Variants in ITGAV observed in about 807,000 individuals in gnomAD.
ITGAV encodes the protein integrin subunit alpha V.
ITGAV carries 76 observed loss-of-function variants against 143.8 expected under a neutral mutation model. The ratio of observed to expected loss-of-function variants is 0.53; its 90% CI spans 0.44 to 0.64. The LOEUF (loss-of-function observed/expected upper bound fraction) is 0.64, where lower values mean the gene tolerates loss of function less well. ITGAV is among the 30% of genes least tolerant of loss of function. The probability of loss-of-function intolerance (pLI) is 0.00; values close to 1 mark genes in which losing one functional copy is unlikely to be tolerated. For missense variants in ITGAV, 1,193 were observed against 1,274.7 expected (o/e 0.94, Z 0.98); for synonymous variants, 453 against 446.7 (o/e 1.01, Z -0.18).
chr2:186,590,594 T>C (rs1686590265), intron 1 of ITGAV, 71 bp downstream of exon 1: 3 of 1,383,976 alleles, frequency 2.2e-6, no homozygotes, highest in South Asian at 2.7e-5. Context: ...CGTTTCTCCA[T>C]TGGGATTGAT....
intron 2 of ITGAV, among the ~76,000 whole-genome samples, chr2:186,603,363 C>T (rs1686966819): frequency 6.6e-6 from 1 of 152,140 alleles, no homozygotes; most frequent in African/African-American, 2.4e-5. Flanking sequence ...ATGATGTGGA[C>T]TGTTCCATTT....
At chr2:186,644,826 A>AT (rs1688208961) in intron 12 of ITGAV, among the ~76,000 whole-genome samples, 1 of 151,940 alleles carries the variant, frequency 6.6e-6, no homozygotes, top group Non-Finnish European at 1.5e-5. Flanking sequence ...TGTTTAAAAA[A>AT]AAAAAAGTAC....
At chr2:186,622,792 T>C (rs1338981705) in intron 3 of ITGAV, among the ~76,000 whole-genome samples, 1 of 152,088 alleles carries the variant, frequency 6.6e-6, no homozygotes, top group African/African-American at 2.4e-5. Context: ...AGACGGAGTC[T>C]TGCTCTGTCA....
intron 26 of ITGAV, chr2:186,670,036 C>T: frequency 2.1e-6 from 1 of 476,828 alleles, no homozygotes; most frequent in African/African-American, 2.0e-5. Flanking sequence ...TAGTTTATGT[C>T]CCAACTTTGA....
rs201039453 is a variant in ITGAV, at chr2:186,677,571, G to T, written c.*279G>T. 3 of 240,548 alleles carry T rather than the reference G, an allele frequency of 1.2e-5. No individual in the cohort carries two copies. The highest frequency in any genetic ancestry group is 2.3e-5 in the African/African-American group (1 of 44,116). 14.9% of individuals were successfully genotyped at this position (240,548 alleles called of 1,614,324 possible). ...AATGTATATAAGACAGGTAGTGCCT[G>T]ATTTACTACTTTATATAAAATAGTA... On this transcript the variant is annotated 3_prime_UTR_variant, in exon 30 of 30. Transcript: ENST00000261023.
At chr2:186,643,626 T>C (rs1302127686) in intron 12 of ITGAV, among the ~76,000 whole-genome samples, 2 of 152,144 alleles carry the variant, frequency 1.3e-5, no homozygotes, top group Non-Finnish European at 2.9e-5. Flanking sequence ...AGAGGGATAT[T>C]GAAAACAAAA....
intron 23 of ITGAV, 30 bp from the exon 24 acceptor site, chr2:186,667,641 C>A: frequency 8.1e-7 from 1 of 1,238,306 alleles, no homozygotes; most frequent in South Asian, 1.3e-5. Context: ...TTTTGATATT[C>A]ATGGTAGGTT....
At chr2:186,605,565 A>G (rs984231422) in intron 2 of ITGAV, among the ~76,000 whole-genome samples, 1 of 151,976 alleles carries the variant, frequency 6.6e-6, no homozygotes, top group Admixed American at 6.6e-5. Context: ...CTCAATTAGA[A>G]TGTAAGTTCC....
intron 2 of ITGAV, among the ~76,000 whole-genome samples, chr2:186,604,446 T>C (rs1309896536): frequency 6.6e-6 from 1 of 152,236 alleles, no homozygotes; most frequent in African/African-American, 2.4e-5. Context: ...TCTTTTATTA[T>C]GAACACTGCT....
intron 2 of ITGAV, among the ~76,000 whole-genome samples, chr2:186,610,800 T>C (rs1687194973): frequency 1.3e-5 from 2 of 152,198 alleles, no homozygotes; most frequent in South Asian, 4.1e-4. Flanking sequence ...TAATGATCTA[T>C]GTATTTTCAG....
At chr2:186,662,401 A>G (rs756933164) in intron 18 of ITGAV, among the ~76,000 whole-genome samples, 1 of 152,124 alleles carries the variant, frequency 6.6e-6, no homozygotes, top group African/African-American at 2.4e-5. Context: ...TCTTTGTCCA[A>G]TATATAGCCA....
intron 2 of ITGAV, among the ~76,000 whole-genome samples, chr2:186,606,663 A>C (rs1258226479): frequency 6.6e-6 from 1 of 152,132 alleles, no homozygotes; most frequent in African/African-American, 2.4e-5. Context: ...AACTAATCAA[A>C]AACTGTTTTC....
chr2:186,648,142 A>G lies in ITGAV; in HGVS notation c.1351+1265A>G, dbSNP rs576500505. 5.0e-3 allele frequency among the ~76,000 whole-genome samples: 765 copies of G among 152,302 alleles called. 1 individual carries two copies. Among genetic ancestry groups the G allele is most frequent in the Middle Eastern group, 0.017 (5 of 294 alleles). ...TCCCTTTGTAACAAATAGCTGCATC[A>G]TATCTTATTTACCTTTTTTTGTGGC... On this transcript the variant is annotated intron_variant, in intron 13 of 29. Coordinates refer to ENST00000261023, the MANE Select transcript of ITGAV (RefSeq NM_002210.5).
chr2:186,631,420 C>G (rs1687811524), intron 5 of ITGAV, among the ~76,000 whole-genome samples: 1 of 152,080 alleles, frequency 6.6e-6, no homozygotes, highest in African/African-American at 2.4e-5. Flanking sequence ...TATTTTTAAT[C>G]TATTTTTTGA....
intron 2 of ITGAV, among the ~76,000 whole-genome samples, chr2:186,609,420 AG>A (rs1466280176): frequency 2.0e-5 from 3 of 152,186 alleles, no homozygotes; most frequent in Non-Finnish European, 4.4e-5. Context: ...TAGCTTTTAA[AG>A]AAGACAGATG....
At chr2:186,600,287 C>T in intron 1 of ITGAV, 2 of 1,518,178 alleles carry the variant, frequency 1.3e-6, no homozygotes, top group South Asian at 1.2e-5. Flanking sequence ...CTCTTCATTC[C>T]ACTTCCCTCA....
chr2:186,668,851 C>T lies in ITGAV; in HGVS notation c.2523C>T (p.Ile841=). 1 of 1,612,658 alleles carries T rather than the reference C, an allele frequency of 6.2e-7. No homozygotes were observed. The highest frequency in any genetic ancestry group is 2.2e-5 in the East Asian group (1 of 44,822). ...YKYNNNTLLY[I]LHYDIDGPMN... is the part of the protein sequence containing the mutation. ...ATAATAATAACACTCTGTTGTATAT[C>T]CTTCATTATGATATTGATGGACCAA... is the stretch of plus-strand genomic sequence containing the variant. Residue 841 remains isoleucine (I), a synonymous_variant, in exon 25 of 30, where the codon ATC becomes ATT. Coordinates refer to ENST00000261023, the MANE Select transcript of ITGAV (RefSeq NM_002210.5).
At chr2:186,609,081 T>A (rs1687144305) in intron 2 of ITGAV, among the ~76,000 whole-genome samples, 1 of 152,192 alleles carries the variant, frequency 6.6e-6, no homozygotes, top group African/African-American at 2.4e-5. Context: ...AAAGCCTGTC[T>A]TATCTTACAC....
At chr2:186,659,458 G>A (rs895299457) in intron 18 of ITGAV, among the ~76,000 whole-genome samples, 18 of 151,818 alleles carry the variant, frequency 1.2e-4, no homozygotes, top group African/African-American at 4.4e-4. Flanking sequence ...ACAGCAAAGT[G>A]CCAGTTTGTT....
Sources: gnomAD v4.1 joint callset for allele counts (sites outside exome capture counted in the v4.1 genomes callset) on GRCh38, gnomAD v4.1.1 for gene constraint, MANE v1.5 for transcripts, NCBI Gene and HGNC (gene_info 2026-07-23, HGNC 2026-07-21) for gene names.